Variants in SLC2A9 observed in about 807,000 individuals in gnomAD.
SLC2A9 encodes the protein solute carrier family 2 member 9, also known as solute carrier family 2, facilitated glucose transporter member 9.
In SLC2A9, 39 loss-of-function variants were observed where a neutral mutation model predicts 50.6. That is an observed-to-expected ratio of 0.77 (90% CI 0.60 to 1.01). The LOEUF (loss-of-function observed/expected upper bound fraction) is 1.01. Among genes scored for constraint, SLC2A9 ranks in the 50% least tolerant of loss-of-function variants. SLC2A9 has a pLI of 0.00. For synonymous variants in SLC2A9, 324 were observed against 276.9 expected, an observed-to-expected ratio of 1.17 and a Z score of -1.69; for missense variants, 686 against 677.6, an observed-to-expected ratio of 1.01 and a Z score of -0.14.
Position 9,783,034 on chromosome 4 carries a change from C to A in SLC2A9, n.386-2969G>T, listed in dbSNP as rs145497708. On this transcript the variant is annotated intron_variant and non_coding_transcript_variant, in intron 3 of 3. Transcript: ENST00000503803. The stretch of plus-strand genomic sequence containing the variant: ...AAGGCCCTCCGGCCGGCTTCCCCTG[C>A]GTCAGTGAGACCACCTTCGACGTCT... The A allele has an allele frequency of 2.6e-3, 4,198 of 1,614,230 alleles. 13 individuals are homozygous for A. Among genetic ancestry groups the A allele is most frequent in the Non-Finnish European group, 3.1e-3 (3,680 of 1,180,036 alleles).
chr4:9,863,005 G>A (rs1364832389), intron 10 of SLC2A9, among the ~76,000 whole-genome samples: 8 of 152,010 alleles, frequency 5.3e-5, no homozygotes, highest in Admixed American at 2.0e-4. Context: ...CAATGAATGT[G>A]CCCCGCCCAG....
chr4:9,805,869 C>T (rs1468655117), intron 3 of SLC2A9, among the ~76,000 whole-genome samples: 2 of 152,244 alleles, frequency 1.3e-5, no homozygotes, highest in Admixed American at 6.5e-5. Flanking sequence ...AACTAATGTT[C>T]TCACTATAAT....
At chr4:9,811,331 G>T (rs1004232900) in intron 3 of SLC2A9, among the ~76,000 whole-genome samples, 2 of 152,198 alleles carry the variant, frequency 1.3e-5, no homozygotes, top group African/African-American at 4.8e-5. Context: ...ATTCGGGCTG[G>T]TCCCATGACT....
Position 9,880,296 on chromosome 4 carries a change from G to A in SLC2A9, c.1291+7271C>T, listed in dbSNP as rs180833011. 2.9e-3 allele frequency: 2,837 copies of A among 985,502 alleles called. 3 individuals are homozygous for A. Among genetic ancestry groups the A allele is most frequent in the Non-Finnish European group, 3.1e-3 (2,597 of 829,994 alleles). The allele number at this position is 985,502 out of a possible 1,614,324, so 61.0% of individuals were successfully genotyped here. ...GTGGCTAAAGTCATTGCTAGCCAGC[G>A]AGGCCCAGGTGCTGGGTCAACACAG... On this transcript the variant is annotated intron_variant, in intron 10 of 11. Coordinates refer to ENST00000264784, the MANE Select transcript of SLC2A9 (RefSeq NM_020041.3).
At chr4:9,990,830 G>A (rs531744934) in intron 3 of SLC2A9, among the ~76,000 whole-genome samples, 84 of 152,220 alleles carry the variant, frequency 5.5e-4, no homozygotes, top group African/African-American at 2.0e-3. Context: ...CAGAGTTCTT[G>A]CCATTCTCAC....
intron 6 of SLC2A9, among the ~76,000 whole-genome samples, chr4:9,932,532 G>A (rs1746336858): frequency 6.6e-6 from 1 of 152,220 alleles, no homozygotes; most frequent in African/African-American, 2.4e-5. Context: ...AGTGAGAAGA[G>A]GGGACACTGA....
chr4:9,983,479 C>G (rs1340536356), intron 4 of SLC2A9, among the ~76,000 whole-genome samples: 2 of 152,228 alleles, frequency 1.3e-5, no homozygotes, highest in African/African-American at 2.4e-5. Flanking sequence ...CCCAGGCCCC[C>G]CTGGCCCAGG....
intron 3 of SLC2A9, among the ~76,000 whole-genome samples, chr4:9,817,694 C>T (rs1723800399): frequency 2.6e-5 from 4 of 152,310 alleles, no homozygotes; most frequent in Admixed American, 2.6e-4. Context: ...TATAAGGGAA[C>T]ACTCCTAACT....
intron 10 of SLC2A9, among the ~76,000 whole-genome samples, chr4:9,872,635 A>G (rs935014397): frequency 2.6e-5 from 4 of 152,368 alleles, no homozygotes; most frequent in Admixed American, 1.3e-4. Flanking sequence ...CTTTTTGTGG[A>G]TAAAAGTATA....
At chr4:9,793,854 A>G (rs1372367083) in intron 3 of SLC2A9, among the ~76,000 whole-genome samples, 2 of 152,206 alleles carry the variant, frequency 1.3e-5, no homozygotes, top group Admixed American at 6.5e-5. Context: ...GGCTGCTAAA[A>G]CAAAATCAAT....
chr4:9,883,909 T>G (rs1165789346), intron 10 of SLC2A9, among the ~76,000 whole-genome samples: 1 of 152,214 alleles, frequency 6.6e-6, no homozygotes, highest in East Asian at 1.9e-4. Flanking sequence ...GGACTTGTCA[T>G]CACCACTGGA....
intron 1 of SLC2A9, among the ~76,000 whole-genome samples, chr4:9,773,803 T>A (rs7686422): frequency 0.013 from 2,029 of 152,244 alleles, 47 homozygotes; most frequent in African/African-American, 0.047. Flanking sequence ...GGAAAGAGCC[T>A]GGGTAAGAGA....
intron 5 of SLC2A9, among the ~76,000 whole-genome samples, chr4:9,945,648 G>A (rs1749016507): frequency 1.3e-5 from 2 of 152,236 alleles, no homozygotes; most frequent in East Asian, 3.9e-4. Flanking sequence ...GACCAGGGAG[G>A]AGCCATCAGA....
At chr4:9,952,739 G>C (rs973452622) in intron 5 of SLC2A9, among the ~76,000 whole-genome samples, 1 of 152,080 alleles carries the variant, frequency 6.6e-6, no homozygotes, top group African/African-American at 2.4e-5. Flanking sequence ...TGCCCAGGCT[G>C]GTCTCAAACC....
chr4:9,905,059 C>A (rs1740385618), intron 8 of SLC2A9, among the ~76,000 whole-genome samples: 1 of 152,222 alleles, frequency 6.6e-6, no homozygotes, highest in African/African-American at 2.4e-5. Context: ...CTCAGTGTTG[C>A]ATGTGGTAAT....
chr4:9,801,073 C>T (rs2108930941), intron 3 of SLC2A9, among the ~76,000 whole-genome samples: 1 of 152,206 alleles, frequency 6.6e-6, no homozygotes. Context: ...AACCCTGCTT[C>T]TACCACATGT....
chr4:9,905,948 A>G (rs1162643420), intron 8 of SLC2A9, among the ~76,000 whole-genome samples: 1 of 152,144 alleles, frequency 6.6e-6, no homozygotes, highest in Non-Finnish European at 1.5e-5. Context: ...AGTTTCCTCA[A>G]CTGTCAAAAG....
intron 10 of SLC2A9, among the ~76,000 whole-genome samples, chr4:9,865,973 T>C (rs1732396078): frequency 6.6e-6 from 1 of 152,044 alleles, no homozygotes; most frequent in Non-Finnish European, 1.5e-5. Flanking sequence ...TACAGAGAAG[T>C]GAGGCACAGC....
chr4:9,864,798 A>T (rs1353812462), intron 10 of SLC2A9, among the ~76,000 whole-genome samples: 1 of 152,236 alleles, frequency 6.6e-6, no homozygotes, highest in Non-Finnish European at 1.5e-5. Flanking sequence ...ATATAACCCC[A>T]AACCCTGTGC....
Sources: allele counts gnomAD v4.1 joint callset (sites outside exome capture counted in the v4.1 genomes callset), GRCh38; gene constraint gnomAD v4.1.1; transcripts MANE v1.5; gene names NCBI Gene and HGNC (gene_info 2026-07-23, HGNC 2026-07-21).